COL9A1: variants seen among roughly 807,000 people sequenced by gnomAD.
COL9A1 encodes collagen alpha-1(IX) chain.
In COL9A1, 104 loss-of-function variants were observed where a neutral mutation model predicts 142.6. The observed-to-expected ratio is 0.73, with a 90% CI of 0.62 to 0.86. The LOEUF (loss-of-function observed/expected upper bound fraction) is 0.86, where lower values mean the gene tolerates loss of function less well. Among genes scored for constraint, COL9A1 ranks in the 40% least tolerant of loss-of-function variants. The pLI is 0.00. For missense variants in COL9A1, 1,210 were observed against 1,176.6 expected (o/e 1.03, Z -0.42); for synonymous variants, 466 against 396.0 (o/e 1.18, Z -2.10).
chr6:70,231,797 T>A (rs1056677246), intron 36 of COL9A1, among the ~76,000 whole-genome samples: 1 of 152,006 alleles, frequency 6.6e-6, no homozygotes, highest in Non-Finnish European at 1.5e-5. Flanking sequence ...TCACTCATCA[T>A]GACATAGAAA....
chr6:70,301,586 AAAATAT>A (rs1294898239), intron 2 of COL9A1, among the ~76,000 whole-genome samples: 1 of 152,200 alleles, frequency 6.6e-6, no homozygotes, highest in Non-Finnish European at 1.5e-5. Context: ...CAAAAAAATA[AAAATAT>A]AAATATAAAA....
At chr6:70,227,018 A>G (rs751806314) in intron 36 of COL9A1, among the ~76,000 whole-genome samples, 1 of 152,146 alleles carries the variant, frequency 6.6e-6, no homozygotes, top group Non-Finnish European at 1.5e-5. Context: ...AAGTAGGCCC[A>G]AATACATACA....
At chr6:70,276,168 C>T (rs564045222) in intron 10 of COL9A1, among the ~76,000 whole-genome samples, 10 of 152,202 alleles carry the variant, frequency 6.6e-5, no homozygotes, top group Middle Eastern at 3.4e-3. Context: ...ATTACAACAC[C>T]GTAATTTGGG....
At chr6:70,246,375 C>CA (rs368314723) in intron 28 of COL9A1, 9,885 of 146,940 alleles carry the variant, frequency 0.067, 345 homozygotes, top group Non-Finnish European at 0.077. Flanking sequence ...AACAAACAAA[C>CA]AAAAAAAAAA....
At position 70,248,357 on chromosome 6, in the gene COL9A1, G is replaced by A. The variant is rs79022858; in HGVS notation, c.1872+3763C>T. Reference sequence around the variant, plus strand: ...TGCAGTAGTATTGGCAAACATTAAAGGAAATAGCACTTAATTTCAAATACA... The same window carrying A: ...TGCAGTAGTATTGGCAAACATTAAAAGAAATAGCACTTAATTTCAAATACA... On this transcript the variant is annotated intron_variant, in intron 28 of 37. Coordinates refer to ENST00000357250, the MANE Select transcript of COL9A1 (RefSeq NM_001851.6). Among the ~76,000 whole-genome samples the A allele has an allele frequency of 5.6e-3, 851 of 152,292 alleles. 15 individuals carry two copies. The highest frequency in any genetic ancestry group is 0.02 in the African/African-American group (819 of 41,552).
chr6:70,236,224 G>A (rs897265032), intron 33 of COL9A1, among the ~76,000 whole-genome samples: 1 of 150,898 alleles, frequency 6.6e-6, no homozygotes, highest in South Asian at 2.1e-4. Flanking sequence ...AGTAAACCAT[G>A]TGTTTCCTTA....
rs1772439956 is a variant in COL9A1, at chr6:70,272,101, A to G, written c.1066-13T>C. ...GAATACCACGGCCCTAAAAGAGTACAATAAAAATGGTTATAGCTTGAGGTT... is the reference window on the plus strand; with the variant it reads ...GAATACCACGGCCCTAAAAGAGTACGATAAAAATGGTTATAGCTTGAGGTT... On this transcript the variant is annotated splice_polypyrimidine_tract_variant and intron_variant, in intron 12 of 37. Coordinates refer to ENST00000357250, the MANE Select transcript of COL9A1 (RefSeq NM_001851.6). 6.2e-7 allele frequency: 1 copy of G among 1,609,440 alleles called. No homozygotes were observed. Among genetic ancestry groups the G allele is most frequent in the Admixed American group, 1.7e-5 (1 of 59,846 alleles).
intron 37 of COL9A1, among the ~76,000 whole-genome samples, chr6:70,217,995 T>C (rs1198048913): frequency 6.6e-6 from 1 of 151,952 alleles, no homozygotes; most frequent in Non-Finnish European, 1.5e-5. Flanking sequence ...ACAAAAAAAT[T>C]AGCCAGGTAT....
chr6:70,234,023 G>A (rs550760605), intron 35 of COL9A1, among the ~76,000 whole-genome samples: 1 of 152,346 alleles, frequency 6.6e-6, no homozygotes, highest in African/African-American at 2.4e-5. Context: ...GTATGAAAAT[G>A]TGTCATAATT....
chr6:70,254,706 AT>A, intron 24 of COL9A1, 177 bp from the exon 25 acceptor site: 1 of 690,658 alleles, frequency 1.4e-6, no homozygotes, highest in East Asian at 2.7e-5. Flanking sequence ...ATAGGACATA[AT>A]TCAACCAAAA....
At chr6:70,276,920 C>T (rs1175124905) in intron 10 of COL9A1, among the ~76,000 whole-genome samples, 1 of 152,158 alleles carries the variant, frequency 6.6e-6, no homozygotes, top group Non-Finnish European at 1.5e-5. Context: ...ACAAACAAAC[C>T]AAATCTAGGT....
Position 70,295,485 on chromosome 6 carries a change from G to A in COL9A1, c.300-922C>T, listed in dbSNP as rs961127102. 2.6e-5 allele frequency among the ~76,000 whole-genome samples: 4 copies of A among 151,152 alleles called. No individual in the cohort carries two copies. In the South Asian group the frequency reaches 8.4e-4, roughly 32 times the overall value. On this transcript the variant is annotated intron_variant, in intron 4 of 37. Transcript: ENST00000357250. ...GTATTTTTAGTAGAGATGGTGTTTCGCCATGTCAGTCAGGCTGGTCTCGAA... is the reference window on the plus strand; with the variant it reads ...GTATTTTTAGTAGAGATGGTGTTTCACCATGTCAGTCAGGCTGGTCTCGAA...
chr6:70,298,927 C>T (rs182276810), intron 4 of COL9A1, among the ~76,000 whole-genome samples: 23 of 152,116 alleles, frequency 1.5e-4, no homozygotes, highest in Admixed American at 1.5e-3. Flanking sequence ...CCTTTGCAAC[C>T]ATTCTGCCTG....
chr6:70,300,079 T>C lies in COL9A1; in HGVS notation c.263A>G (p.Lys88Arg). ...CCTGAAGTCTACATTATTTCCCAAC[T>C]TGTAAGCCACCTGCAATGTAGCTGA... ...VGSATLQVAY[K>R]LGNNVDFRIP... Residue 88 changes from lysine to arginine, a missense_variant, in exon 4 of 38, where the codon AAG becomes AGG. Lys to Arg is a conservative substitution (Grantham distance 26). Transcript: ENST00000357250. The C allele has an allele frequency of 6.2e-7, 1 of 1,614,048 alleles. No homozygotes were observed. Among genetic ancestry groups the C allele is most frequent in the Non-Finnish European group, 8.5e-7 (1 of 1,179,956 alleles).
chr6:70,288,257 A>G (rs997071221), intron 5 of COL9A1, among the ~76,000 whole-genome samples: 1 of 152,052 alleles, frequency 6.6e-6, no homozygotes, highest in East Asian at 1.9e-4. Context: ...TTTTTCTCTC[A>G]TACTCCAAAT....
At chr6:70,221,577 C>A (rs977195021) in intron 37 of COL9A1, among the ~76,000 whole-genome samples, 1 of 152,104 alleles carries the variant, frequency 6.6e-6, no homozygotes, top group Admixed American at 6.6e-5. Flanking sequence ...CACAAGAAAA[C>A]CAAATACTCT....
intron 25 of COL9A1, among the ~76,000 whole-genome samples, chr6:70,254,051 C>T (rs960769843): frequency 2.0e-5 from 3 of 152,162 alleles, no homozygotes; most frequent in African/African-American, 7.2e-5. Context: ...TGCAGGGAAA[C>T]ACCAATTTGA....
In COL9A1 at chr6:70,242,194, G is replaced by T. The variant is rs927914839; in HGVS notation, c.1927-159C>A. The T allele has an allele frequency of 5.7e-6, 4 of 702,698 alleles. No individual in the cohort carries two copies. The African/African-American group carries it at 7.0e-5, about 12-fold the overall frequency. The allele number at this position is 702,698 out of a possible 1,614,324, so 43.5% of individuals were successfully genotyped here. ...GGTTTGCCTCTCTTTCATATTCTCA[G>T]GAGAAGAGGGCGGGGCCAATGTTCT... On this transcript the variant is annotated intron_variant, in intron 29 of 37. Coordinates refer to ENST00000357250, the MANE Select transcript of COL9A1 (RefSeq NM_001851.6).
chr6:70,296,511 T>C (rs1054096352), intron 4 of COL9A1, among the ~76,000 whole-genome samples: 1 of 152,174 alleles, frequency 6.6e-6, no homozygotes, highest in African/African-American at 2.4e-5. Flanking sequence ...TTGTTTTTAA[T>C]ATACTTCCTG....
Sources: gnomAD v4.1 joint callset for allele counts (sites outside exome capture counted in the v4.1 genomes callset) on GRCh38, gnomAD v4.1.1 for gene constraint, MANE v1.5 for transcripts, NCBI Gene and HGNC (gene_info 2026-07-23, HGNC 2026-07-21) for gene names.